Variants in PIK3C2A observed in about 807,000 individuals in gnomAD.
PIK3C2A encodes phosphatidylinositol-4-phosphate 3-kinase catalytic subunit type 2 alpha, also known as phosphatidylinositol 4-phosphate 3-kinase C2 domain-containing subunit alpha.
PIK3C2A carries 97 observed loss-of-function variants against 204.5 expected under a neutral mutation model. The observed-to-expected ratio is 0.47, with a 90% CI of 0.40 to 0.56. The LOEUF (loss-of-function observed/expected upper bound fraction) is 0.56. Ranked by LOEUF, PIK3C2A falls within the 20% of genes least tolerant of loss-of-function variation. The probability of loss-of-function intolerance (pLI) is 0.00; values close to 1 mark genes in which losing one functional copy is unlikely to be tolerated. For synonymous variants in PIK3C2A, 653 were observed against 664.4 expected (o/e 0.98, Z 0.26); for missense variants, 1,735 against 1,969.2 (o/e 0.88, Z 2.25).
chr11:17,131,722 G>T (rs1426546202), intron 12 of PIK3C2A, among the ~76,000 whole-genome samples, 194 bp downstream of exon 12: 1 of 151,924 alleles, frequency 6.6e-6, no homozygotes, highest in Non-Finnish European at 1.5e-5. Flanking sequence ...CGCCCGGTCG[G>T]TATTTAATAT....
intron 8 of PIK3C2A, among the ~76,000 whole-genome samples, chr11:17,143,630 A>C (rs924236245): frequency 6.6e-6 from 1 of 152,074 alleles, no homozygotes; most frequent in African/African-American, 2.4e-5. Context: ...TGTTAAAAAA[A>C]AAAAAAACAA....
rs1202722721 is a variant in PIK3C2A at position 17,148,678 on chromosome 11, T to C, written c.1437A>G (p.Glu479=). The change falls in exon 5 of 33, where the codon GAA becomes GAG. Residue 479 remains glutamate, a synonymous_variant. Coordinates refer to ENST00000691414, the MANE Select transcript of PIK3C2A (RefSeq NM_002645.4). The part of the protein sequence containing the change: ...SYVLKVCGQE[E]VLQNNHCLGS... ...TTAAATAAACTTACTTCTGCAGCAC[T>C]TCCTCTTGACCACAAACTTTTAGAA... 1.9e-6 allele frequency: 3 copies of C among 1,613,164 alleles called. No homozygotes were observed. The highest frequency in any genetic ancestry group is 2.5e-6 in the Non-Finnish European group (3 of 1,179,554).
At chr11:17,141,602 G>C (rs189565364) in intron 8 of PIK3C2A, among the ~76,000 whole-genome samples, 87 of 152,230 alleles carry the variant, frequency 5.7e-4, no homozygotes, top group African/African-American at 1.9e-3. Context: ...CTGGTATATT[G>C]CTATTAAGTA....
intron 21 of PIK3C2A, 111 bp downstream of exon 21, chr11:17,112,463 A>C (rs61763075): frequency 0.032 from 15,778 of 490,412 alleles, 426 homozygotes; most frequent in Non-Finnish European, 0.043. Context: ...AAAATAAATA[A>C]ATAAATAATA....
intron 3 of PIK3C2A, among the ~76,000 whole-genome samples, chr11:17,151,034 T>G (rs1365873815): frequency 6.6e-6 from 1 of 152,194 alleles, no homozygotes. Flanking sequence ...GTCCTAAAAC[T>G]ATAATGGCCA....
At chr11:17,144,990 T>A (rs1850187082) in intron 8 of PIK3C2A, among the ~76,000 whole-genome samples, 1 of 152,100 alleles carries the variant, frequency 6.6e-6, no homozygotes, top group Non-Finnish European at 1.5e-5. Flanking sequence ...CCCTTTGTTT[T>A]GGCCAATCTC....
chr11:17,143,883 A>C (rs1017073076), intron 8 of PIK3C2A, among the ~76,000 whole-genome samples: 1 of 152,142 alleles, frequency 6.6e-6, no homozygotes, highest in Non-Finnish European at 1.5e-5. Flanking sequence ...ATTACAGTGA[A>C]CCAAGATCAC....
chr11:17,169,697 A>C lies in PIK3C2A; in HGVS notation c.45T>G (p.Ser15=), dbSNP rs748910692. Residue 15 remains serine (S), a synonymous_variant, in exon 2 of 33, where the codon TCT becomes TCG. Transcript: ENST00000691414. ...TTGCTCTTGTTGGTTCCGGATGTGA[A>C]GATGGACATTCTTTAAATCCGCTGT... ...SSNSGFKECP[S]SHPEPTRAKD... 7.5e-6 allele frequency: 12 copies of C among 1,608,662 alleles called. No homozygotes were observed. Among genetic ancestry groups the C allele is most frequent in the Non-Finnish European group, 1.0e-5 (12 of 1,179,734 alleles).
At position 17,145,699 on chromosome 11, in the gene PIK3C2A, T is replaced by C; in HGVS notation, c.1673A>G (p.His558Arg). ...TTGAAGAGCCAGTTCTACTTGGTTG[T>C]GATAAGAATCTAAGAGTTCTTCAAC... ...HPVEELLDSY[H>R]NQVELALQIE... The change falls in exon 8 of 33, where the codon CAC (histidine) becomes CGC (arginine). Residue 558 changes from histidine (H) to arginine (R), a missense_variant. Around this residue, in one of 6 missense-constraint regions of PIK3C2A, gnomAD observed 106 missense variants for 108.2 expected, o/e 0.98. Transcript: ENST00000691414. The C allele has an allele frequency of 6.2e-7, 1 of 1,609,746 alleles. No individual in the cohort carries two copies. The highest frequency in any genetic ancestry group is 8.5e-7 in the Non-Finnish European group (1 of 1,176,458).
At chr11:17,190,869 T>G (rs1021865368) in intron 1 of PIK3C2A, among the ~76,000 whole-genome samples, 2 of 152,024 alleles carry the variant, frequency 1.3e-5, no homozygotes, top group Non-Finnish European at 2.9e-5. Context: ...TCTAATATAA[T>G]GTGTAATTGG....
intron 9 of PIK3C2A, among the ~76,000 whole-genome samples, chr11:17,135,400 T>C (rs994277585): frequency 6.6e-6 from 1 of 151,998 alleles, no homozygotes; most frequent in Non-Finnish European, 1.5e-5. Flanking sequence ...CACAACAAAA[T>C]CTGCTTGGTT....
chr11:17,131,418 C>CTT (rs1849689552), intron 12 of PIK3C2A, among the ~76,000 whole-genome samples: 1 of 111,892 alleles, frequency 8.9e-6, no homozygotes, highest in African/African-American at 3.1e-5. Flanking sequence ...AAGGGTATTT[C>CTT]ATTTTTTTTT....
chr11:17,168,215 C>T (rs1157706422), intron 2 of PIK3C2A, among the ~76,000 whole-genome samples: 5 of 152,106 alleles, frequency 3.3e-5, no homozygotes, highest in African/African-American at 1.2e-4. Flanking sequence ...TCCTTTGCCA[C>T]ACAAGCAAAG....
intron 1 of PIK3C2A, among the ~76,000 whole-genome samples, chr11:17,190,021 T>C (rs1008796718): frequency 6.6e-5 from 10 of 151,758 alleles, no homozygotes; most frequent in African/African-American, 2.2e-4. Context: ...TCCCAGCACT[T>C]TGGGAGGCCA....
intron 12 of PIK3C2A, 146 bp from the exon 13 acceptor site, chr11:17,129,613 A>G: frequency 1.6e-6 from 1 of 627,728 alleles, no homozygotes; most frequent in Non-Finnish European, 2.7e-6. Flanking sequence ...TTTATTGAGA[A>G]GGCGTTTTTG....
intron 1 of PIK3C2A, among the ~76,000 whole-genome samples, chr11:17,186,699 T>A (rs1261803126): frequency 6.6e-6 from 1 of 152,234 alleles, no homozygotes; most frequent in Non-Finnish European, 1.5e-5. Context: ...CAGAGCCACA[T>A]GGCCCTTTTT....
At chr11:17,202,811 T>C (rs1442378137) in intron 1 of PIK3C2A, among the ~76,000 whole-genome samples, 2 of 152,214 alleles carry the variant, frequency 1.3e-5, no homozygotes, top group East Asian at 1.9e-4. Flanking sequence ...AGCTATCTTG[T>C]CTAAAATTAG....
intron 1 of PIK3C2A, among the ~76,000 whole-genome samples, chr11:17,185,775 C>G (rs1851731514): frequency 6.6e-6 from 1 of 152,138 alleles, no homozygotes; most frequent in South Asian, 2.1e-4. Flanking sequence ...CAATACCATC[C>G]TAGACCAATT....
In PIK3C2A at chr11:17,091,370, A is replaced by G. The variant is rs1374559962; in HGVS notation, c.4842T>C (p.Ile1614=). Reference sequence around the variant, plus strand: ...ATGTCGGATTCCTCGTTTTTCGTGAAATTTTGGTTTTACGTTTGGATGTTT... The same window carrying G: ...ATGTCGGATTCCTCGTTTTTCGTGAGATTTTGGTTTTACGTTTGGATGTTT... ...NHKTSKRKTK[I]SRKTRNPTFN... The change falls in exon 32 of 33, where the codon ATT becomes ATC. Residue 1614 remains isoleucine, a synonymous_variant. Coordinates refer to ENST00000691414, the MANE Select transcript of PIK3C2A (RefSeq NM_002645.4). 1.2e-6 allele frequency: 2 copies of G among 1,613,510 alleles called. No homozygotes were observed. The highest frequency in any genetic ancestry group is 1.7e-6 in the Non-Finnish European group (2 of 1,179,786).
Sources: allele counts gnomAD v4.1 joint callset (sites outside exome capture counted in the v4.1 genomes callset), GRCh38; gene constraint gnomAD v4.1.1; regional missense constraint gnomAD v4.1.1; transcripts MANE v1.5; gene names NCBI Gene and HGNC (gene_info 2026-07-23, HGNC 2026-07-21).